DAAM1: variants seen among roughly 807,000 people sequenced by gnomAD.
The protein encoded by DAAM1 is disheveled-associated activator of morphogenesis 1.
DAAM1 carries 52 observed loss-of-function variants against 130.0 expected under a neutral mutation model. The ratio of observed to expected loss-of-function variants is 0.40; its 90% confidence interval spans 0.32 to 0.50. DAAM1 has a LOEUF of 0.50. Among genes scored for constraint, DAAM1 ranks in the 20% least tolerant of loss-of-function variants. DAAM1 has a pLI of 0.61. For synonymous variants in DAAM1, 452 were observed against 444.5 expected (o/e 1.02, Z -0.21); for missense variants, 1,134 against 1,303.8 (o/e 0.87, Z 2.01).
intron 1 of DAAM1, among the ~76,000 whole-genome samples, chr14:59,190,388 T>C (rs927242302): frequency 1.1e-4 from 16 of 152,100 alleles, no homozygotes. Flanking sequence ...AATAAGGTAG[T>C]TTATGGTGTT....
chr14:59,354,482 C>G (rs1287007742), intron 19 of DAAM1, among the ~76,000 whole-genome samples: 9 of 152,198 alleles, frequency 5.9e-5, no homozygotes, highest in Non-Finnish European at 5.9e-5. Context: ...GCCTCCTGGG[C>G]TCCTCTACAG....
chr14:59,239,020 T>C (rs1889396972), intron 1 of DAAM1, among the ~76,000 whole-genome samples: 1 of 152,182 alleles, frequency 6.6e-6, no homozygotes, highest in African/African-American at 2.4e-5. Context: ...TGGGTGACCC[T>C]ATGCAGGTCA....
intron 3 of DAAM1, among the ~76,000 whole-genome samples, chr14:59,303,338 A>G (rs1884251583): frequency 6.6e-6 from 1 of 152,208 alleles, no homozygotes; most frequent in African/African-American, 2.4e-5. Context: ...CTCACGTCTG[A>G]GAATTCATAA....
intron 1 of DAAM1, among the ~76,000 whole-genome samples, chr14:59,231,495 T>A (rs904598881): frequency 6.6e-6 from 1 of 152,180 alleles, no homozygotes; most frequent in Admixed American, 6.5e-5. Context: ...TGGCAATTAA[T>A]AAAACCACAT....
chr14:59,202,078 C>T (rs920064648), intron 1 of DAAM1, among the ~76,000 whole-genome samples: 2 of 152,186 alleles, frequency 1.3e-5, no homozygotes, highest in East Asian at 1.9e-4. Flanking sequence ...CCATGAGCAT[C>T]CTTGAGATAA....
chr14:59,194,098 T>G (rs1184506147), intron 1 of DAAM1, among the ~76,000 whole-genome samples: 6 of 151,996 alleles, frequency 3.9e-5, no homozygotes, highest in Non-Finnish European at 8.8e-5. Context: ...CAGACCAGGT[T>G]AGGGACTCAA....
chr14:59,357,172 G>A (rs139856742), intron 20 of DAAM1: 3 of 152,264 alleles, frequency 2.0e-5, no homozygotes, highest in Non-Finnish European at 4.4e-5. Flanking sequence ...GCTCAGGCAT[G>A]GTTTTAAACC....
intron 2 of DAAM1, among the ~76,000 whole-genome samples, chr14:59,282,278 A>C (rs2139545570): frequency 6.6e-6 from 1 of 152,232 alleles, no homozygotes; most frequent in South Asian, 2.1e-4. Context: ...TTTCCCCTCC[A>C]TCTGCATGAG....
rs774875568 is a variant in DAAM1 at position 59,325,708 on chromosome 14, A to C, written c.1034A>C (p.Glu345Ala). The C allele has an allele frequency of 6.2e-7, 1 of 1,614,076 alleles. No individual in the cohort carries two copies. Among genetic ancestry groups the C allele is most frequent in the South Asian group, 1.1e-5 (1 of 91,082 alleles). Reference sequence around the variant, plus strand: ...ATGCTCCGAAATGAAGATGAACTAGAATTTGCCAAAAGATTTGAACTGGTA... The same window carrying C: ...ATGCTCCGAAATGAAGATGAACTAGCATTTGCCAAAAGATTTGAACTGGTA... Reference protein sequence around the residue: ...FEMLRNEDELEFAKRFELVHI... With the variant: ...FEMLRNEDELAFAKRFELVHI... The change falls in exon 9 of 25, where the codon GAA becomes GCA. Residue 345 changes from glutamate to alanine, a missense_variant. This residue lies in a region of DAAM1 where 391 missense variants were observed against 521.6 expected (regional missense o/e 0.75). Coordinates refer to ENST00000360909, the MANE Select transcript of DAAM1 (RefSeq NM_001270520.2).
intron 1 of DAAM1, among the ~76,000 whole-genome samples, chr14:59,214,745 C>G (rs1279924501): frequency 6.6e-6 from 1 of 151,496 alleles, no homozygotes; most frequent in African/African-American, 2.4e-5. Context: ...TTTTTTTATT[C>G]ATGGACATTT....
chr14:59,308,756 A>G (rs1422210444), intron 3 of DAAM1, among the ~76,000 whole-genome samples: 1 of 152,222 alleles, frequency 6.6e-6, no homozygotes, highest in Admixed American at 6.5e-5. Context: ...TCTTTCTTCC[A>G]TAATTTCTCC....
chr14:59,355,258 G>A lies in DAAM1; in HGVS notation c.2450G>A (p.Gly817Asp). Reference protein sequence around the residue: ...VLAFGNYMNKGQRGNAYGFKI... With the variant: ...VLAFGNYMNKDQRGNAYGFKI... The stretch of plus-strand genomic sequence containing the variant: ...GCATTTGGAAATTATATGAATAAAG[G>A]TCAAAGAGGGAATGCATATGGATTC... Residue 817 changes from glycine to aspartate, a missense_variant, in exon 20 of 25, where the codon GGT becomes GAT. Gly to Asp is a moderately conservative substitution (Grantham distance 94). Transcript: ENST00000360909. The A allele has an allele frequency of 1.2e-6, 2 of 1,614,078 alleles. No homozygotes were observed. The highest frequency in any genetic ancestry group is 1.7e-6 in the Non-Finnish European group (2 of 1,179,996).
chr14:59,275,480 C>G (rs536610022), intron 2 of DAAM1, among the ~76,000 whole-genome samples: 36 of 152,148 alleles, frequency 2.4e-4, no homozygotes, highest in African/African-American at 8.7e-4. Context: ...TGAAGTTGTA[C>G]TAGATTATAG....
chr14:59,339,674 T>C (rs1002033167), intron 15 of DAAM1, among the ~76,000 whole-genome samples: 2 of 152,178 alleles, frequency 1.3e-5, no homozygotes, highest in Admixed American at 1.3e-4. Context: ...TGAATGGGCC[T>C]TGCAAGTGGC....
intron 12 of DAAM1, among the ~76,000 whole-genome samples, chr14:59,327,693 C>T (rs1229664534): frequency 6.6e-6 from 1 of 152,108 alleles, no homozygotes; most frequent in Admixed American, 6.5e-5. Flanking sequence ...AGGCGTGAGC[C>T]ACCGCGCCCG....
intron 19 of DAAM1, among the ~76,000 whole-genome samples, chr14:59,354,689 G>A (rs1262152063): frequency 1.3e-5 from 2 of 152,202 alleles, no homozygotes; most frequent in South Asian, 2.1e-4. Flanking sequence ...CACAGCCACG[G>A]AACGCAGGCT....
At chr14:59,354,777 T>G (rs924321941) in intron 19 of DAAM1, among the ~76,000 whole-genome samples, 1 of 152,104 alleles carries the variant, frequency 6.6e-6, no homozygotes, top group South Asian at 2.1e-4. Context: ...TTAACTAGTT[T>G]TCTGTCAGTG....
At chr14:59,190,470 G>T (rs531449059) in intron 1 of DAAM1, among the ~76,000 whole-genome samples, 1 of 152,324 alleles carries the variant, frequency 6.6e-6, no homozygotes, top group Non-Finnish European at 1.5e-5. Flanking sequence ...ACCAGCAAAG[G>T]CCCTCAATTT....
chr14:59,325,062 C>G (rs1365660396), intron 8 of DAAM1, among the ~76,000 whole-genome samples: 1 of 152,170 alleles, frequency 6.6e-6, no homozygotes, highest in African/African-American at 2.4e-5. Context: ...TGCCTTTGCG[C>G]TTGCTGTTTC....
Sources: allele counts gnomAD v4.1 joint callset (sites outside exome capture counted in the v4.1 genomes callset), GRCh38; gene constraint gnomAD v4.1.1; regional missense constraint gnomAD v4.1.1; transcripts MANE v1.5; gene names NCBI Gene and HGNC (gene_info 2026-07-23, HGNC 2026-07-21).